Variants in KCNH7 observed in about 807,000 individuals in gnomAD.
KCNH7 encodes the protein potassium voltage-gated channel subfamily H member 7, also known as voltage-gated inwardly rectifying potassium channel KCNH7.
A neutral mutation model predicts 120.8 loss-of-function variants in KCNH7; 49 were observed. The ratio of observed to expected loss-of-function variants is 0.41; its 90% CI spans 0.32 to 0.51. The LOEUF (loss-of-function observed/expected upper bound fraction) is 0.51. Ranked by LOEUF, KCNH7 falls within the 20% of genes least tolerant of loss-of-function variation. The probability of loss-of-function intolerance (pLI) is 0.38; values close to 1 mark genes in which losing one functional copy is unlikely to be tolerated. For synonymous variants in KCNH7, 547 were observed against 516.1 expected, an observed-to-expected ratio of 1.06 and a Z score of -0.81; for missense variants, 1,097 against 1,446.6, an observed-to-expected ratio of 0.76 and a Z score of 3.92.
At chr2:162,668,315 A>G (rs1166561739) in intron 2 of KCNH7, among the ~76,000 whole-genome samples, 1 of 152,148 alleles carries the variant, frequency 6.6e-6, no homozygotes, top group Non-Finnish European at 1.5e-5. Flanking sequence ...AGTTTACCAA[A>G]CTTTGAAAAT....
intron 2 of KCNH7, among the ~76,000 whole-genome samples, chr2:162,547,707 C>A (rs1009197897): frequency 1.3e-5 from 2 of 151,164 alleles, no homozygotes; most frequent in African/African-American, 4.9e-5. Context: ...CTAATGCATG[C>A]AAAGGTCTTT....
intron 2 of KCNH7, among the ~76,000 whole-genome samples, chr2:162,553,178 C>T (rs1019699634): frequency 4.6e-5 from 7 of 151,998 alleles, no homozygotes; most frequent in Non-Finnish European, 1.0e-4. Context: ...GTACAGTGTA[C>T]GGAAATTGAG....
At chr2:162,753,409 T>A (rs1018209558) in intron 2 of KCNH7, among the ~76,000 whole-genome samples, 1 of 152,170 alleles carries the variant, frequency 6.6e-6, no homozygotes, top group Admixed American at 6.6e-5. Flanking sequence ...GCTTATGAGA[T>A]AGATTACGAA....
chr2:162,471,044 G>A (rs531464868), intron 6 of KCNH7, among the ~76,000 whole-genome samples: 3 of 152,062 alleles, frequency 2.0e-5, no homozygotes, highest in African/African-American at 4.8e-5. Context: ...ATGCTTGAAG[G>A]CAGCATGCTT....
chr2:162,723,402 T>A (rs898308766), intron 2 of KCNH7, among the ~76,000 whole-genome samples: 1 of 152,058 alleles, frequency 6.6e-6, no homozygotes, highest in Non-Finnish European at 1.5e-5. Flanking sequence ...AACAGATGAA[T>A]GAATAAAGAA....
At chr2:162,474,899 C>T (rs114452012) in intron 6 of KCNH7, among the ~76,000 whole-genome samples, 1 of 152,200 alleles carries the variant, frequency 6.6e-6, no homozygotes, top group Non-Finnish European at 1.5e-5. Context: ...TGGAGGAAAC[C>T]AGCTGCCATG....
At chr2:162,664,139 C>T (rs897988134) in intron 2 of KCNH7, among the ~76,000 whole-genome samples, 28 of 152,258 alleles carry the variant, frequency 1.8e-4, no homozygotes, top group Admixed American at 1.4e-3. Flanking sequence ...TTTCTGCCAA[C>T]TTGTCTTCAC....
chr2:162,512,729 T>G, intron 4 of KCNH7, 55 bp from the exon 5 acceptor site: 1 of 1,318,832 alleles, frequency 7.6e-7, no homozygotes, highest in Admixed American at 1.7e-5. Context: ...AGACTAAAAT[T>G]ATATTATATA....
At chr2:162,614,823 G>C (rs907828946) in intron 2 of KCNH7, among the ~76,000 whole-genome samples, 8 of 150,742 alleles carry the variant, frequency 5.3e-5, no homozygotes, top group African/African-American at 1.7e-4. Flanking sequence ...AAATACTATT[G>C]GATAGGGCTA....
intron 6 of KCNH7, among the ~76,000 whole-genome samples, chr2:162,479,228 G>A (rs1317893703): frequency 6.9e-6 from 1 of 145,608 alleles, no homozygotes; most frequent in East Asian, 2.0e-4. Flanking sequence ...TATATTCATT[G>A]ATAAGTTGAA....
intron 9 of KCNH7, among the ~76,000 whole-genome samples, chr2:162,402,482 G>T (rs534677082): frequency 6.6e-6 from 1 of 150,442 alleles, no homozygotes; most frequent in Admixed American, 6.6e-5. Flanking sequence ...GTTTACACAG[G>T]CCTCTGCATA....
chr2:162,787,253 C>A (rs2105508987), intron 2 of KCNH7, among the ~76,000 whole-genome samples: 1 of 152,210 alleles, frequency 6.6e-6, no homozygotes, highest in Non-Finnish European at 1.5e-5. Flanking sequence ...GCCCACAGAC[C>A]CAGAACTCAA....
intron 2 of KCNH7, among the ~76,000 whole-genome samples, chr2:162,666,737 C>T (rs1373024583): frequency 1.3e-5 from 2 of 152,106 alleles, no homozygotes; most frequent in Admixed American, 1.3e-4. Context: ...TTGCTAACTT[C>T]TTGATCACAT....
intron 9 of KCNH7, among the ~76,000 whole-genome samples, chr2:162,401,855 A>G (rs989687346): frequency 1.2e-4 from 18 of 151,958 alleles, no homozygotes; most frequent in African/African-American, 3.9e-4. Context: ...CACTTCACCA[A>G]TCTGTGTTTC....
In KCNH7 at chr2:162,504,594, T is replaced by C. The variant is rs749887323; in HGVS notation, c.977A>G (p.Tyr326Cys). 1.9e-6 allele frequency: 3 copies of C among 1,613,102 alleles called. No individual in the cohort carries two copies. In the Admixed American group the frequency reaches 5.0e-5, roughly 27 times the overall value. Residue 326 changes from tyrosine (Y) to cysteine (C), a missense_variant, in exon 6 of 16, where the codon TAC (tyrosine) becomes TGC (cysteine). Physicochemically the swap from Tyr to Cys is radical, Grantham distance 194. Around this residue, in one of 8 missense-constraint regions of KCNH7, gnomAD observed 362 missense variants for 372.2 expected, o/e 0.97. Coordinates refer to ENST00000332142, the MANE Select transcript of KCNH7 (RefSeq NM_033272.4). The part of the protein sequence containing the change: ...GSTSDSNLNK[Y>C]STINKIPQLT... ...CTGTGGAATCTTGTTAATGGTGCTG[T>C]ATTTGTTGAGGTTTGAATCTGATGT...
intron 2 of KCNH7, among the ~76,000 whole-genome samples, chr2:162,765,039 T>C (rs556508171): frequency 4.6e-5 from 7 of 152,252 alleles, no homozygotes; most frequent in African/African-American, 1.4e-4. Context: ...ACACTGACTT[T>C]ATTGTATTGG....
chr2:162,581,477 G>A (rs977294637), intron 2 of KCNH7, among the ~76,000 whole-genome samples: 1 of 152,018 alleles, frequency 6.6e-6, no homozygotes, highest in African/African-American at 2.4e-5. Flanking sequence ...AAGGTATTTG[G>A]GGCACATTCG....
At chr2:162,577,482 T>G (rs1693727718) in intron 2 of KCNH7, among the ~76,000 whole-genome samples, 2 of 151,868 alleles carry the variant, frequency 1.3e-5, no homozygotes, top group Admixed American at 1.3e-4. Context: ...TGGAAACTCG[T>G]TACAGAAACT....
At chr2:162,408,297 T>C (rs1573923336) in intron 9 of KCNH7, among the ~76,000 whole-genome samples, 1 of 152,206 alleles carries the variant, frequency 6.6e-6, no homozygotes, top group East Asian at 1.9e-4. Flanking sequence ...CTTGGGAATT[T>C]TAAGACTGGA....
Sources: gnomAD v4.1 joint callset for allele counts (sites outside exome capture counted in the v4.1 genomes callset) on GRCh38, gnomAD v4.1.1 for gene constraint, gnomAD v4.1.1 regional missense constraint, MANE v1.5 for transcripts, NCBI Gene and HGNC (gene_info 2026-07-23, HGNC 2026-07-21) for gene names.